The following CHD9 variants were observed in gnomAD, a reference collection of about 807,000 sequenced individuals.
CHD9 encodes ATP-dependent chromatin remodeler CHD9.
CHD9 carries 77 observed loss-of-function variants against 316.1 expected under a neutral mutation model. That is an observed-to-expected ratio of 0.24 (90% CI 0.20 to 0.29). CHD9 has a LOEUF of 0.29. Among genes scored for constraint, CHD9 ranks in the 10% least tolerant of loss-of-function variants. The pLI is 1.00. For synonymous variants in CHD9, 1,129 were observed against 1,158.3 expected, an observed-to-expected ratio of 0.97 and a Z score of 0.51; for missense variants, 2,763 against 3,438.1, an observed-to-expected ratio of 0.80 and a Z score of 4.91.
At chr16:53,270,350 G>A (rs2052128553) in intron 22 of CHD9, among the ~76,000 whole-genome samples, 1 of 151,914 alleles carries the variant, frequency 6.6e-6, no homozygotes, top group South Asian at 2.1e-4. Flanking sequence ...TAATTAGAAT[G>A]TTGAATACCA....
In CHD9 at chr16:53,134,989, T is replaced by C. The variant is rs117016910; in HGVS notation, c.-164-20937T>C. Among the ~76,000 whole-genome samples, 214 of 151,496 alleles carry C rather than the reference T, an allele frequency of 1.4e-3. 6 individuals carry two copies. In the East Asian group the frequency reaches 0.037, roughly 26 times the overall value. On this transcript the variant is annotated intron_variant, in intron 1 of 38. Transcript: ENST00000447540. ...AGTTCAGTGAAATAAAAGAACAGAG[T>C]GCTATGGTGGAGAAAATGGGGAGAA...
intron 1 of CHD9, among the ~76,000 whole-genome samples, chr16:53,128,170 G>A (rs2039056918): frequency 6.7e-6 from 1 of 149,060 alleles, no homozygotes; most frequent in South Asian, 2.1e-4. Flanking sequence ...AAGACATTGA[G>A]TAGGAATGGA....
intron 20 of CHD9, 26 bp downstream of exon 20, chr16:53,263,123 A>T (rs1196721996): frequency 1.3e-6 from 2 of 1,553,018 alleles, no homozygotes; most frequent in East Asian, 4.5e-5. Flanking sequence ...CCTCTAAAAT[A>T]AACTTGCTTT....
intron 1 of CHD9, among the ~76,000 whole-genome samples, chr16:53,127,580 G>A (rs1415661902): frequency 6.6e-6 from 1 of 152,066 alleles, no homozygotes; most frequent in East Asian, 1.9e-4. Context: ...CAATGACTGT[G>A]TAACCAGGGC....
intron 2 of CHD9, among the ~76,000 whole-genome samples, chr16:53,206,751 G>A (rs1035230131): frequency 2.2e-4 from 34 of 152,102 alleles, no homozygotes; most frequent in African/African-American, 7.5e-4. Flanking sequence ...GTAATTGTTT[G>A]CTCTCTCAGT....
In CHD9 at chr16:53,238,506, A is replaced by G; in HGVS notation, c.2797A>G (p.Ile933Val). The G allele has an allele frequency of 5.6e-6, 9 of 1,613,314 alleles. No homozygotes were observed. Among genetic ancestry groups the G allele is most frequent in the Non-Finnish European group, 7.6e-6 (9 of 1,179,420 alleles). Residue 933 changes from isoleucine (I) to valine (V), a missense_variant, in exon 12 of 39, where the codon ATT (isoleucine) becomes GTT (valine). This residue lies in a region of CHD9 where 186 missense variants were observed against 245.0 expected (regional missense o/e 0.76). Coordinates refer to ENST00000447540, the MANE Select transcript of CHD9 (RefSeq NM_001308319.2). ...WEREFRTWTDINVVVYHGSLI... is the reference protein window; with the variant it reads ...WEREFRTWTDVNVVVYHGSLI... The stretch of plus-strand genomic sequence containing the variant: ...GAGAGAATTTCGTACGTGGACTGAT[A>G]TTAACGTTGTGGTTTATCATGGGAG...
chr16:53,252,924 C>T (rs1234986608), intron 17 of CHD9, among the ~76,000 whole-genome samples: 4 of 152,060 alleles, frequency 2.6e-5, no homozygotes, highest in Admixed American at 2.6e-4. Context: ...GTGCAGTGAA[C>T]AGGGAACACG....
chr16:53,104,888 C>A (rs2037193210), intron 1 of CHD9, among the ~76,000 whole-genome samples: 1 of 151,510 alleles, frequency 6.6e-6, no homozygotes, highest in Non-Finnish European at 1.5e-5. Flanking sequence ...TTTAAAAAAT[C>A]ATTTAATGTA....
At chr16:53,242,810 C>G (rs754173930) in intron 12 of CHD9, 30 bp from the exon 13 acceptor site, 1 of 1,566,714 alleles carries the variant, frequency 6.4e-7, no homozygotes, top group African/African-American at 1.4e-5. Flanking sequence ...TAAAATATTC[C>G]AGCAAATAAT....
rs2153081485 is a variant in CHD9, at chr16:53,304,449, C to T, written c.6443C>T (p.Ser2148Phe). Residue 2148 changes from serine to phenylalanine, a missense_variant, in exon 31 of 39, where the codon TCT becomes TTT. Physicochemically the swap from Ser to Phe is radical, Grantham distance 155. Coordinates refer to ENST00000447540, the MANE Select transcript of CHD9 (RefSeq NM_001308319.2). ...AGATCATCTTGTTCTTCCAGATCATCTTCTTCCTCATCATCCTCTTCTTGC... is the reference window on the plus strand; with the variant it reads ...AGATCATCTTGTTCTTCCAGATCATTTTCTTCCTCATCATCCTCTTCTTGC... ...SERSSCSSRSSSSSSSSSCSH... is the reference protein window; with the variant it reads ...SERSSCSSRSFSSSSSSSCSH... 7 of 1,581,096 alleles carry T rather than the reference C, an allele frequency of 4.4e-6. No individual in the cohort carries two copies. The highest frequency in any genetic ancestry group is 6.0e-6 in the Non-Finnish European group (7 of 1,163,416).
Position 53,286,259 on chromosome 16 carries a change from C to A in CHD9, c.5105C>A (p.Pro1702Gln). ...YEKYNTIRAD[P>Q]ALCFLERVGK... Reference sequence around the variant, plus strand: ...AAATATAACACTATTCGAGCAGACCCAGCATTATGCTTCTTGGAAAGAGTG... The same window carrying A: ...AAATATAACACTATTCGAGCAGACCAAGCATTATGCTTCTTGGAAAGAGTG... The change falls in exon 26 of 39, where the codon CCA (proline) becomes CAA (glutamine). Residue 1702 changes from proline to glutamine, a missense_variant. By Grantham distance (76) the Pro-to-Gln change is moderately conservative. Transcript: ENST00000447540. 1 of 1,612,166 alleles carries A rather than the reference C, an allele frequency of 6.2e-7. No homozygotes were observed.
intron 22 of CHD9, 116 bp from the exon 23 acceptor site, chr16:53,273,510 A>G (rs2052492217): frequency 1.5e-6 from 1 of 670,864 alleles, no homozygotes. Flanking sequence ...CTAATATTTT[A>G]AAGATCTCTG....
intron 19 of CHD9, among the ~76,000 whole-genome samples, chr16:53,261,579 G>A (rs1298649414): frequency 1.3e-5 from 2 of 151,976 alleles, no homozygotes; most frequent in Non-Finnish European, 2.9e-5. Context: ...GTCTCACTAT[G>A]TTGCCCAGGC....
intron 2 of CHD9, among the ~76,000 whole-genome samples, chr16:53,206,729 A>G (rs1388741900): frequency 1.3e-5 from 2 of 152,192 alleles, no homozygotes; most frequent in Non-Finnish European, 2.9e-5. Flanking sequence ...TCTTATTGTC[A>G]TAATGATTTT....
chr16:53,101,055 T>C (rs952870194), intron 1 of CHD9, among the ~76,000 whole-genome samples: 1 of 152,232 alleles, frequency 6.6e-6, no homozygotes, highest in African/African-American at 2.4e-5. Context: ...CCTCTGGGTG[T>C]GTTCACAAGT....
chr16:53,277,582 C>T (rs2052974863), intron 24 of CHD9, among the ~76,000 whole-genome samples: 2 of 152,082 alleles, frequency 1.3e-5, no homozygotes, highest in South Asian at 4.1e-4. Flanking sequence ...AATCAGCATA[C>T]AAGGGACATA....
intron 2 of CHD9, among the ~76,000 whole-genome samples, chr16:53,181,298 A>G (rs1312362792): frequency 6.6e-6 from 1 of 152,182 alleles, no homozygotes; most frequent in Non-Finnish European, 1.5e-5. Context: ...GATGGGAGCC[A>G]CTGCACCTGG....
chr16:53,116,507 T>C (rs2038317871), intron 1 of CHD9, among the ~76,000 whole-genome samples: 2 of 152,152 alleles, frequency 1.3e-5, no homozygotes, highest in South Asian at 4.1e-4. Flanking sequence ...AGTCAATAAT[T>C]ATTGATTATA....
intron 1 of CHD9, among the ~76,000 whole-genome samples, chr16:53,061,903 A>G (rs2032953090): frequency 6.6e-6 from 1 of 152,230 alleles, no homozygotes; most frequent in South Asian, 2.1e-4. Flanking sequence ...TCATACCACA[A>G]GGGGTCTTGT....
Sources: allele counts gnomAD v4.1 joint callset (sites outside exome capture counted in the v4.1 genomes callset), GRCh38; gene constraint gnomAD v4.1.1; regional missense constraint gnomAD v4.1.1; transcripts MANE v1.5; gene names NCBI Gene and HGNC (gene_info 2026-07-23, HGNC 2026-07-21).